The following EPB41L2 variants were observed in gnomAD, a reference collection of about 807,000 sequenced individuals.
EPB41L2 encodes the protein erythrocyte membrane protein band 4.1 like 2.
A neutral mutation model predicts 113.0 loss-of-function variants in EPB41L2; 43 were observed. That is an observed-to-expected ratio of 0.38 (90% CI 0.30 to 0.49). The LOEUF (loss-of-function observed/expected upper bound fraction) is 0.49. EPB41L2 is among the 20% of genes least tolerant of loss of function. EPB41L2 has a pLI of 0.95. For missense variants in EPB41L2, 1,147 were observed against 1,223.4 expected (o/e 0.94, Z 0.93); for synonymous variants, 442 against 436.7 (o/e 1.01, Z -0.15).
chr6:130,943,226 G>C (rs529402822), intron 3 of EPB41L2, among the ~76,000 whole-genome samples: 1 of 152,144 alleles, frequency 6.6e-6, no homozygotes, highest in Non-Finnish European at 1.5e-5. Flanking sequence ...GTGTAAAAGC[G>C]TTCCTATTTC....
chr6:130,847,317 C>T (rs887784431), intron 19 of EPB41L2, among the ~76,000 whole-genome samples: 3 of 152,202 alleles, frequency 2.0e-5, no homozygotes, highest in African/African-American at 7.2e-5. Context: ...ACTTCCACAG[C>T]CCTTTATCTA....
chr6:131,047,831 T>C (rs1795750723), intron 1 of EPB41L2, among the ~76,000 whole-genome samples: 1 of 151,186 alleles, frequency 6.6e-6, no homozygotes, highest in Admixed American at 6.6e-5. Flanking sequence ...GAAGGCAGGG[T>C]GGGAGGAAGA....
intron 3 of EPB41L2, among the ~76,000 whole-genome samples, chr6:130,942,878 A>C (rs1465422328): frequency 1.3e-5 from 2 of 152,146 alleles, no homozygotes; most frequent in Non-Finnish European, 2.9e-5. Flanking sequence ...TGTTTTGCTG[A>C]GAATGATGGT....
chr6:130,911,871 A>ATTT (rs1799511600), intron 4 of EPB41L2, among the ~76,000 whole-genome samples: 1 of 151,200 alleles, frequency 6.6e-6, no homozygotes, highest in Admixed American at 6.6e-5. Flanking sequence ...ACTCATTCTA[A>ATTT]GCAGTGTCCA....
At chr6:130,886,591 T>C (rs1336455496) in intron 11 of EPB41L2, among the ~76,000 whole-genome samples, 1 of 151,972 alleles carries the variant, frequency 6.6e-6, no homozygotes, top group South Asian at 2.1e-4. Context: ...ATTTGCATTT[T>C]ACATTAAGTA....
chr6:131,059,315 C>G (rs946037089), intron 1 of EPB41L2, among the ~76,000 whole-genome samples: 3 of 152,054 alleles, frequency 2.0e-5, no homozygotes, highest in Non-Finnish European at 4.4e-5. Flanking sequence ...GGGGTTTCAC[C>G]GTGTTAGCCA....
intron 19 of EPB41L2, among the ~76,000 whole-genome samples, chr6:130,847,568 A>T (rs909131716): frequency 6.6e-6 from 1 of 152,250 alleles, no homozygotes. Context: ...TTTAGGAAGA[A>T]GCACTAATTC....
chr6:130,914,131 A>G (rs908246992), intron 4 of EPB41L2, among the ~76,000 whole-genome samples: 2 of 152,196 alleles, frequency 1.3e-5, no homozygotes, highest in African/African-American at 2.4e-5. Flanking sequence ...TTCCTCAAAC[A>G]CAAAATGGGG....
At chr6:130,926,546 G>T in intron 4 of EPB41L2, 59 bp downstream of exon 4, 1 of 1,213,414 alleles carries the variant, frequency 8.2e-7, no homozygotes, top group South Asian at 1.3e-5. Context: ...GAGATAAACT[G>T]GTTAATAAAA....
At chr6:131,027,765 A>C (rs1791209172) in intron 1 of EPB41L2, among the ~76,000 whole-genome samples, 2 of 152,198 alleles carry the variant, frequency 1.3e-5, no homozygotes, top group South Asian at 4.1e-4. Context: ...TGTACCCCAT[A>C]AACATATACA....
At chr6:131,042,562 T>C (rs1794655377) in intron 1 of EPB41L2, among the ~76,000 whole-genome samples, 1 of 152,172 alleles carries the variant, frequency 6.6e-6, no homozygotes, top group Non-Finnish European at 1.5e-5. Flanking sequence ...CTTCAAAGGA[T>C]CACTATAGAA....
chr6:130,872,697 A>T (rs1235683151), intron 14 of EPB41L2, among the ~76,000 whole-genome samples: 1 of 152,222 alleles, frequency 6.6e-6, no homozygotes, highest in African/African-American at 2.4e-5. Context: ...GAGCAGGCTT[A>T]TGAAGAGGTT....
chr6:130,878,294 A>C, intron 13 of EPB41L2, 44 bp from the exon 14 acceptor site: 2 of 1,571,768 alleles, frequency 1.3e-6, no homozygotes, highest in Non-Finnish European at 1.7e-6. Context: ...ATCCAAAAGG[A>C]AAAAACCCAG....
At position 130,869,610 on chromosome 6, in the gene EPB41L2, A is replaced by T. The variant is rs148749534; in HGVS notation, c.2560T>A (p.Ser854Thr). The change falls in exon 15 of 20, where the codon TCC becomes ACC. Residue 854 changes from serine to threonine, a missense_variant. Transcript: ENST00000337057. ...GGCAAAACATCAATGTCAACATGGG[A>T]CACCTCTCCGTTAACTTTCTGTGGC... ...EEPQKVNGEV[S>T]HVDIDVLPQI... 133 of 1,614,124 alleles carry T rather than the reference A, an allele frequency of 8.2e-5. No individual in the cohort carries two copies. The East Asian group carries it at 2.9e-3, about 36-fold the overall frequency.
At chr6:130,922,432 C>T (rs759460141) in intron 4 of EPB41L2, among the ~76,000 whole-genome samples, 1 of 152,098 alleles carries the variant, frequency 6.6e-6, no homozygotes, top group African/African-American at 2.4e-5. Context: ...AAAACTGTGC[C>T]CATTTTTACC....
intron 16 of EPB41L2, among the ~76,000 whole-genome samples, chr6:130,866,289 G>A (rs1783729127): frequency 2.0e-5 from 3 of 152,244 alleles, no homozygotes; most frequent in Admixed American, 1.3e-4. Context: ...GAAAGATGCA[G>A]AAGATTCTAG....
At chr6:131,041,317 T>C (rs375846554) in intron 1 of EPB41L2, among the ~76,000 whole-genome samples, 3 of 152,162 alleles carry the variant, frequency 2.0e-5, no homozygotes, top group South Asian at 2.1e-4. Context: ...AAGGAAATAA[T>C]GTATCTAGGC....
chr6:130,872,328 C>G, intron 14 of EPB41L2: 2 of 1,256,378 alleles, frequency 1.6e-6, no homozygotes, highest in Non-Finnish European at 2.1e-6. Flanking sequence ...AAATCTCTCT[C>G]ATATGTGGCT....
At chr6:130,983,519 C>CTT (rs56940825) in intron 1 of EPB41L2, among the ~76,000 whole-genome samples, 43 of 137,320 alleles carry the variant, frequency 3.1e-4, no homozygotes, top group African/African-American at 8.1e-4. Context: ...CTACTATAGA[C>CTT]TTTTTTTTTT....
Sources: gnomAD v4.1 joint callset for allele counts (sites outside exome capture counted in the v4.1 genomes callset) on GRCh38, gnomAD v4.1.1 for gene constraint, MANE v1.5 for transcripts, NCBI Gene and HGNC (gene_info 2026-07-23, HGNC 2026-07-21) for gene names.